Variants in TRIM37 observed in about 807,000 individuals in gnomAD.
TRIM37 encodes E3 ubiquitin-protein ligase TRIM37.
TRIM37 carries 80 observed loss-of-function variants against 129.8 expected under a neutral mutation model. The ratio of observed to expected loss-of-function variants is 0.62; its 90% CI spans 0.51 to 0.74. The LOEUF (loss-of-function observed/expected upper bound fraction) is 0.74, where lower values mean the gene tolerates loss of function less well. Among genes scored for constraint, TRIM37 ranks in the 30% least tolerant of loss-of-function variants. The pLI is 0.00. For synonymous variants in TRIM37, 389 were observed against 387.1 expected, an observed-to-expected ratio of 1.00 and a Z score of -0.06; for missense variants, 1,054 against 1,176.5, an observed-to-expected ratio of 0.90 and a Z score of 1.52.
chr17:58,978,275 G>A (rs117790842), downstream of TRIM37, among the ~76,000 whole-genome samples: 1,914 of 152,270 alleles, frequency 0.013, 22 homozygotes, highest in Non-Finnish European at 0.021. Flanking sequence ...ATATGCCACT[G>A]CTATACAGTA....
chr17:59,072,680 G>A (rs1464409348), intron 8 of TRIM37, among the ~76,000 whole-genome samples: 4 of 151,810 alleles, frequency 2.6e-5, no homozygotes, highest in African/African-American at 7.3e-5. Flanking sequence ...CCCAGGAGGC[G>A]GAGGTTACAG....
the TRIM37 span, among the ~76,000 whole-genome samples, chr17:58,976,407 T>C: frequency 6.6e-6 from 1 of 151,754 alleles, no homozygotes; most frequent in Non-Finnish European, 1.5e-5. Context: ...GATGAGGGAG[T>C]TGAAGAATTT....
intron 5 of TRIM37, among the ~76,000 whole-genome samples, chr17:59,081,958 A>ATAATAAT (rs1555688920): frequency 2.2e-4 from 27 of 125,046 alleles, no homozygotes; most frequent in African/African-American, 5.8e-4. Context: ...AAAAATAAAA[A>ATAATAAT]AAAAAAAATA....
At chr17:59,077,316 C>G (rs2042896122) in intron 7 of TRIM37, among the ~76,000 whole-genome samples, 2 of 150,268 alleles carry the variant, frequency 1.3e-5, no homozygotes, top group African/African-American at 4.9e-5. Context: ...ATTGCCCAGG[C>G]TGGGCTTAAG....
At position 59,015,683 on chromosome 17, in the gene TRIM37, A is replaced by C. The variant is rs2035838634; in HGVS notation, c.2503T>G (p.Ser835Ala). Reference sequence around the variant, plus strand: ...AAAACTGCAACCACAACAGCATCTGAATCCAAAGCTTTACACTGCCGGTCT... The same window carrying C: ...AAAACTGCAACCACAACAGCATCTGCATCCAAAGCTTTACACTGCCGGTCT... ...TEDRQCKALD[S>A]DAVVVAVFSG... is the part of the protein sequence containing the mutation. Residue 835 changes from serine (S) to alanine (A), a missense_variant, in exon 21 of 24, where the codon TCA (serine) becomes GCA (alanine). Physicochemically the swap from Ser to Ala is moderately conservative, Grantham distance 99. Coordinates refer to ENST00000262294, the MANE Select transcript of TRIM37 (RefSeq NM_015294.6). 6.2e-7 allele frequency: 1 copy of C among 1,614,210 alleles called. No homozygotes were observed. Among genetic ancestry groups the C allele is most frequent in the African/African-American group, 1.3e-5 (1 of 75,062 alleles).
chr17:59,000,768 G>A (rs2033617958), intron 23 of TRIM37, among the ~76,000 whole-genome samples: 1 of 152,020 alleles, frequency 6.6e-6, no homozygotes, highest in African/African-American at 2.4e-5. Flanking sequence ...ATTTTAAAAG[G>A]TTAAAGTTAT....
chr17:59,084,038 C>T lies in TRIM37; in HGVS notation c.333G>A (p.Lys111=), dbSNP rs534443745. ...AAAGTGCACACTGATGGCAGATACA[C>T]TTCTTACAAGTCCAGCAAAATACAC... The part of the protein sequence containing the change: ...KLSVFCWTCK[K]CICHQCALWG... The change falls in exon 5 of 24, where the codon AAG becomes AAA. Residue 111 remains lysine, a synonymous_variant. Coordinates refer to ENST00000262294, the MANE Select transcript of TRIM37 (RefSeq NM_015294.6). 6.2e-7 allele frequency: 1 copy of T among 1,613,910 alleles called. No individual in the cohort carries two copies. The highest frequency in any genetic ancestry group is 1.1e-5 in the South Asian group (1 of 91,084).
At chr17:58,983,098 T>C (rs2031466022) in intron 24 of TRIM37, 5 of 575,260 alleles carry the variant, frequency 8.7e-6, no homozygotes, top group Admixed American at 6.3e-5. Context: ...GCTTTCTCAG[T>C]GGGGAAAAAA....
At chr17:59,039,580 C>T (rs1410027626) in intron 17 of TRIM37, among the ~76,000 whole-genome samples, 1 of 151,962 alleles carries the variant, frequency 6.6e-6, no homozygotes, top group African/African-American at 2.4e-5. Flanking sequence ...CTGCTGACAT[C>T]GTGATCCACC....
chr17:59,032,053 T>C lies in TRIM37; in HGVS notation c.1791A>G (p.Ile597Met). Residue 597 changes from isoleucine (I) to methionine (M), a missense_variant, in exon 18 of 24, where the codon ATA becomes ATG. Coordinates refer to ENST00000262294, the MANE Select transcript of TRIM37 (RefSeq NM_015294.6). ...SHGYVGSSSR[I>M]SRRTHLCSAA... ...CGGAGCATAAATGTGTTCTTCTTGA[T>C]ATTCTACTACTGGAACCCACATAAC... is the stretch of plus-strand genomic sequence containing the variant. The C allele has an allele frequency of 1.2e-6, 2 of 1,614,138 alleles. No individual in the cohort carries two copies. The highest frequency in any genetic ancestry group is 1.7e-6 in the Non-Finnish European group (2 of 1,180,042).
At chr17:59,081,031 A>T in intron 6 of TRIM37, 66 bp downstream of exon 6, 3 of 924,634 alleles carry the variant, frequency 3.2e-6, no homozygotes, top group Non-Finnish European at 4.2e-6. Context: ...AACTTATATT[A>T]TATAAATATA....
intron 2 of TRIM37, among the ~76,000 whole-genome samples, chr17:59,092,897 A>T (rs2044522769): frequency 6.6e-6 from 1 of 152,232 alleles, no homozygotes; most frequent in Admixed American, 6.5e-5. Flanking sequence ...GCACGCCTGT[A>T]ATCCCAGCAC....
At chr17:59,078,146 T>A (rs908544980) in intron 7 of TRIM37, among the ~76,000 whole-genome samples, 9 of 151,708 alleles carry the variant, frequency 5.9e-5, no homozygotes, top group African/African-American at 2.2e-4. Context: ...ATAATAATAA[T>A]AAATTAGTGG....
At chr17:59,015,104 C>T (rs1347337929) in intron 21 of TRIM37, among the ~76,000 whole-genome samples, 1 of 78,958 alleles carries the variant, frequency 1.3e-5, no homozygotes, top group African/African-American at 6.9e-5. Context: ...TATCTCATCC[C>T]ATTAAAAAAA....
At chr17:59,066,611 T>C (rs555244253) in intron 9 of TRIM37, among the ~76,000 whole-genome samples, 1 of 152,300 alleles carries the variant, frequency 6.6e-6, no homozygotes, top group Admixed American at 6.5e-5. Flanking sequence ...ACAGTCCAGT[T>C]TACCCTAGTC....
intron 17 of TRIM37, 83 bp from the exon 18 acceptor site, chr17:59,032,173 A>G: frequency 7.4e-7 from 1 of 1,356,578 alleles, no homozygotes; most frequent in East Asian, 2.3e-5. Context: ...TTAACATTAT[A>G]TGAATACTTG....
intron 8 of TRIM37, among the ~76,000 whole-genome samples, chr17:59,072,878 AAAACAAC>A (rs1428014814): frequency 6.6e-6 from 1 of 152,214 alleles, no homozygotes; most frequent in Non-Finnish European, 1.5e-5. Context: ...GTAACAGCAG[AAAACAAC>A]AAACAGCTGC....
Position 59,017,433 on chromosome 17 carries a change from A to G in TRIM37, c.2258-9T>C, listed in dbSNP as rs568162013. On this transcript the variant is annotated splice_polypyrimidine_tract_variant and intron_variant, in intron 19 of 23. Coordinates refer to ENST00000262294, the MANE Select transcript of TRIM37 (RefSeq NM_015294.6). ...ACTCTTCTTATTTGTGGCTGCAAAGACATTTAAGAACACCTCTGAATAGGC... is the reference window on the plus strand; with the variant it reads ...ACTCTTCTTATTTGTGGCTGCAAAGGCATTTAAGAACACCTCTGAATAGGC... The G allele has an allele frequency of 1.2e-6, 2 of 1,613,860 alleles. No homozygotes were observed. Among genetic ancestry groups the G allele is most frequent in the Admixed American group, 3.3e-5 (2 of 60,016 alleles).
rs1201965845 is a variant in TRIM37, at chr17:59,047,788, T to A, written c.1562A>T (p.Asp521Val). 3 of 1,614,074 alleles carry A rather than the reference T, an allele frequency of 1.9e-6. No homozygotes were observed. The highest frequency in any genetic ancestry group is 1.1e-5 in the South Asian group (1 of 91,080). ...ATTTACTTCATCCTCATAAACAAGA[T>A]CCAGATCCAGATCTCCATCTGAAAG... is the stretch of plus-strand genomic sequence containing the variant. ...HELSDGDLDL[D>V]LVYEDEVNQL... The change falls in exon 16 of 24, where the codon GAT becomes GTT. Residue 521 changes from aspartate (D) to valine (V), a missense_variant. Around this residue, in one of 3 missense-constraint regions of TRIM37, gnomAD observed 752 missense variants for 870.8 expected, o/e 0.86. Transcript: ENST00000262294.
Sources: allele counts gnomAD v4.1 joint callset (sites outside exome capture counted in the v4.1 genomes callset), GRCh38; gene constraint gnomAD v4.1.1; regional missense constraint gnomAD v4.1.1; transcripts MANE v1.5; gene names NCBI Gene and HGNC (gene_info 2026-07-23, HGNC 2026-07-21).